Variants in CHD8 observed in about 807,000 individuals in gnomAD.
The protein encoded by CHD8 is chromodomain helicase DNA binding protein 8, also known as ATP-dependent chromatin remodeler CHD8.
In CHD8, 31 loss-of-function variants were observed where a neutral mutation model predicts 279.2. That is an observed-to-expected ratio of 0.11 (90% CI 0.08 to 0.15). The LOEUF is 0.15. Ranked by LOEUF, CHD8 falls within the 10% of genes least tolerant of loss-of-function variation. The pLI, the probability that CHD8 is intolerant of heterozygous loss-of-function variation, is 1.00. For missense variants in CHD8, 2,146 were observed against 3,230.5 expected (o/e 0.66, Z 8.14); for synonymous variants, 1,081 against 1,139.6 (o/e 0.95, Z 1.04).
Position 21,393,531 on chromosome 14 carries a change from T to G in CHD8, c.6264A>C (p.Ser2088=), listed in dbSNP as rs374180604. The G allele has an allele frequency of 8.1e-6, 13 of 1,600,086 alleles. No individual in the cohort carries two copies. The highest frequency in any genetic ancestry group is 1.7e-5 in the Admixed American group (1 of 57,462). Residue 2088 remains serine (S), a synonymous_variant, in exon 32 of 38, where the codon TCA becomes TCC. Transcript: ENST00000646647. ...LSPSSSSSSS[S]SSSSSSTDES... is the part of the protein sequence containing the mutation. ...CATCAGTGCTGGAGCTGGAGCTGGA[T>G]GAGGATGAGGAAGAAGAAGAAGATG...
At chr14:21,417,855 A>ATC (rs1888804811) in intron 5 of CHD8, among the ~76,000 whole-genome samples, 1 of 122,462 alleles carries the variant, frequency 8.2e-6, no homozygotes, top group Non-Finnish European at 1.8e-5. Context: ...CTCTCTCAAA[A>ATC]AAAAAAAAAA....
At chr14:21,393,278 T>C (rs1049899226) in intron 32 of CHD8, 24 bp from the exon 33 acceptor site, 1 of 1,612,348 alleles carries the variant, frequency 6.2e-7, no homozygotes, top group African/African-American at 1.3e-5. Context: ...CCATAGAATG[T>C]GTGAGAAAAG....
At chr14:21,394,757 C>T in intron 30 of CHD8, 155 bp downstream of exon 30, 1 of 730,260 alleles carries the variant, frequency 1.4e-6, no homozygotes, top group Non-Finnish European at 2.2e-6. Context: ...TTACTGCATG[C>T]AAGTGAGGTT....
intron 37 of CHD8, among the ~76,000 whole-genome samples, chr14:21,388,635 G>A (rs1454124646): frequency 1.3e-5 from 2 of 152,100 alleles, no homozygotes; most frequent in Non-Finnish European, 2.9e-5. Flanking sequence ...GATACTAGAG[G>A]ACTGCACTAC....
chr14:21,389,799 T>C (rs1887445761), intron 37 of CHD8, among the ~76,000 whole-genome samples: 1 of 152,144 alleles, frequency 6.6e-6, no homozygotes, highest in Non-Finnish European at 1.5e-5. Context: ...AATGGACAAA[T>C]TTATTATGAA....
intron 1 of CHD8, among the ~76,000 whole-genome samples, chr14:21,445,755 A>G (rs1275344685): frequency 6.8e-6 from 1 of 147,992 alleles, no homozygotes; most frequent in African/African-American, 2.5e-5. Context: ...TAATCTCAGC[A>G]CTTTGGGAAG....
rs185714345 is a variant in CHD8, at chr14:21,430,620, T to A, written c.843+181A>T. The A allele has an allele frequency of 4.2e-4, 240 of 577,802 alleles. No individual in the cohort carries two copies. In the East Asian group the frequency reaches 6.5e-3, roughly 16 times the overall value. The allele number at this position is 577,802 out of a possible 1,614,324, so 35.8% of individuals were successfully genotyped here. ...GTGTAGTAAGAGCTCAAAAAATATGTTAACATTAACTGCTTCCAACCAGCA... is the reference window on the plus strand; with the variant it reads ...GTGTAGTAAGAGCTCAAAAAATATGATAACATTAACTGCTTCCAACCAGCA... On this transcript the variant is annotated intron_variant, in intron 2 of 37. Coordinates refer to ENST00000646647, the MANE Select transcript of CHD8 (RefSeq NM_001170629.2).
At position 21,400,723 on chromosome 14, in the gene CHD8, C is replaced by T; in HGVS notation, c.4371-111G>A. The stretch of plus-strand genomic sequence containing the variant: ...ACAAAGATCTTAAAAAACATGGTAA[C>T]AGAATAAACAGAACAAACTCCCTCC... On this transcript the variant is annotated intron_variant, in intron 22 of 37. Coordinates refer to ENST00000646647, the MANE Select transcript of CHD8 (RefSeq NM_001170629.2). This position sits in a 1 kb window ranked among gnomAD's most constrained non-coding sequence, Gnocchi z 4.2. The T allele has an allele frequency of 7.9e-7, 1 of 1,262,690 alleles. No individual in the cohort carries two copies. The highest frequency in any genetic ancestry group is 1.1e-6 in the Non-Finnish European group (1 of 928,350). The allele number at this position is 1,262,690 out of a possible 1,614,324, so 78.2% of individuals were successfully genotyped here.
Position 21,402,287 on chromosome 14 carries a change from C to T in CHD8, c.3882+49G>A, listed in dbSNP as rs754738955. 1 of 1,599,742 alleles carries T rather than the reference C, an allele frequency of 6.3e-7. No individual in the cohort carries two copies. Among genetic ancestry groups the T allele is most frequent in the Non-Finnish European group, 8.6e-7 (1 of 1,167,558 alleles). On this transcript the variant is annotated intron_variant, in intron 19 of 37. Transcript: ENST00000646647. This position sits in a 1 kb window ranked among gnomAD's most constrained non-coding sequence, Gnocchi z 4.5. The stretch of plus-strand genomic sequence containing the variant: ...GTGTACAAATAGCTTTTGTTTCCCT[C>T]TATCACAATGATCTACTACAAACTT...
At chr14:21,397,732 T>C in intron 27 of CHD8, 91 bp downstream of exon 27, 1 of 1,342,446 alleles carries the variant, frequency 7.4e-7, no homozygotes, top group Non-Finnish European at 1.0e-6. Context: ...TTGAGTATAA[T>C]TACAATTAAG....
At position 21,431,108 on chromosome 14, in the gene CHD8, T is replaced by C; in HGVS notation, c.536A>G (p.Gln179Arg). Residue 179 changes from glutamine (Q) to arginine (R), a missense_variant, in exon 2 of 38, where the codon CAG becomes CGG. By Grantham distance (43) the Gln-to-Arg change is conservative. Around this residue, in one of 26 missense-constraint regions of CHD8, gnomAD observed 302 missense variants for 325.5 expected, o/e 0.93. Coordinates refer to ENST00000646647, the MANE Select transcript of CHD8 (RefSeq NM_001170629.2). ...AGCTGTGCTGGTGATACCTTGGGCC[T>C]GAATTTGTGCCACATGGGCACCAGT... ...SVTGAHVAQI[Q>R]AQGITSTAQP... 1 of 1,598,956 alleles carries C rather than the reference T, an allele frequency of 6.3e-7. No individual in the cohort carries two copies. Among genetic ancestry groups the C allele is most frequent in the Non-Finnish European group, 8.5e-7 (1 of 1,179,542 alleles).
At chr14:21,438,079 G>A (rs1889857666) in intron 1 of CHD8, among the ~76,000 whole-genome samples, 1 of 151,596 alleles carries the variant, frequency 6.6e-6, no homozygotes, top group East Asian at 1.9e-4. Context: ...TTCCTTTTTT[G>A]AGACAGAGTC....
At chr14:21,399,771 G>C in intron 25 of CHD8, 66 bp from the exon 26 acceptor site, 2 of 1,126,702 alleles carry the variant, frequency 1.8e-6, no homozygotes, top group African/African-American at 1.5e-5. Flanking sequence ...TCCTTGCAAA[G>C]GTTATTATAG....
At chr14:21,399,560 A>G in intron 26 of CHD8, 42 bp downstream of exon 26, 4 of 1,382,922 alleles carry the variant, frequency 2.9e-6, no homozygotes, top group Non-Finnish European at 4.1e-6. Context: ...CGTGAACATA[A>G]ATCTTCAGTC....
At chr14:21,453,200 A>ATATG (rs1370808533) in intron 1 of CHD8, among the ~76,000 whole-genome samples, 1 of 151,354 alleles carries the variant, frequency 6.6e-6, no homozygotes, top group African/African-American at 2.4e-5. Context: ...GAAAGACCAC[A>ATATG]TCTTGAAAAT....
chr14:21,424,622 C>G (rs973879468), intron 5 of CHD8, among the ~76,000 whole-genome samples: 6 of 152,104 alleles, frequency 3.9e-5, no homozygotes, highest in Non-Finnish European at 5.9e-5. Flanking sequence ...AGGCGCCCAC[C>G]ACCACGCCCG....
intron 5 of CHD8, among the ~76,000 whole-genome samples, chr14:21,421,634 T>G (rs1889049120): frequency 1.3e-5 from 2 of 152,194 alleles, no homozygotes; most frequent in Non-Finnish European, 1.5e-5. Context: ...ATTGTCCCAA[T>G]TAACATTCCC....
At chr14:21,451,428 G>A (rs531131014) in intron 1 of CHD8, among the ~76,000 whole-genome samples, 7 of 151,642 alleles carry the variant, frequency 4.6e-5, no homozygotes, top group Admixed American at 2.6e-4. Flanking sequence ...AAAATTAGCC[G>A]GGCATGGTGG....
chr14:21,395,996 T>TA, intron 27 of CHD8, 104 bp from the exon 28 acceptor site: 1 of 774,900 alleles, frequency 1.3e-6, no homozygotes, highest in Non-Finnish European at 2.2e-6. Context: ...CATGAAATAA[T>TA]CTTTATTAGT....
Sources: gnomAD v4.1 joint callset for allele counts (sites outside exome capture counted in the v4.1 genomes callset) on GRCh38, gnomAD v4.1.1 for gene constraint, gnomAD v4.1.1 regional missense constraint, Gnocchi (gnomAD v3.1) non-coding constraint, MANE v1.5 for transcripts, NCBI Gene and HGNC (gene_info 2026-07-23, HGNC 2026-07-21) for gene names.